ZSCAN25: variants seen among roughly 807,000 people sequenced by gnomAD.
The protein encoded by ZSCAN25 is zinc finger and SCAN domain containing 25.
ZSCAN25 carries 27 observed loss-of-function variants against 38.7 expected under a neutral mutation model. The observed-to-expected ratio is 0.70, with a 90% CI of 0.51 to 0.96. The LOEUF is 0.96. Among genes scored for constraint, ZSCAN25 ranks in the 40% least tolerant of loss-of-function variants. ZSCAN25 has a pLI of 0.00. For synonymous variants in ZSCAN25, 273 were observed against 277.7 expected (o/e 0.98, Z 0.17); for missense variants, 637 against 705.9 (o/e 0.90, Z 1.11).
the ZSCAN25 span, chr7:99,709,090 C>T: frequency 1.5e-5 from 24 of 1,613,824 alleles, no homozygotes; most frequent in African/African-American, 2.7e-5. Context: ...TGATGAAGAA[C>T]ATAGCTTGGA....
chr7:99,717,856 A>G, the ZSCAN25 span, among the ~76,000 whole-genome samples: 12 of 152,206 alleles, frequency 7.9e-5, no homozygotes, highest in Non-Finnish European at 1.6e-4. Flanking sequence ...TTTTACATGC[A>G]AATTCTCCAC....
At chr7:99,626,865 T>C (rs1384574094) in intron 7 of ZSCAN25, among the ~76,000 whole-genome samples, 1 of 152,208 alleles carries the variant, frequency 6.6e-6, no homozygotes, top group Non-Finnish European at 1.5e-5. Flanking sequence ...TTTCCCATGA[T>C]CACACAGCAA....
the ZSCAN25 span, among the ~76,000 whole-genome samples, chr7:99,691,466 T>G: frequency 1.3e-5 from 2 of 152,142 alleles, no homozygotes; most frequent in African/African-American, 2.4e-5. Flanking sequence ...ACCTTCTGTC[T>G]CATTGATCTG....
the ZSCAN25 span, chr7:99,714,540 A>G: frequency 1.2e-5 from 19 of 1,611,876 alleles, no homozygotes; most frequent in East Asian, 4.2e-4. Context: ...TCCTATAACT[A>G]CCACCACGTT....
chr7:99,708,210 T>C, the ZSCAN25 span, among the ~76,000 whole-genome samples: 2 of 152,164 alleles, frequency 1.3e-5, no homozygotes, highest in African/African-American at 4.8e-5. Context: ...AGATAAATAC[T>C]GTTGCAAAGT....
the ZSCAN25 span, chr7:99,663,767 A>T: frequency 8.1e-7 from 1 of 1,241,676 alleles, no homozygotes; most frequent in Non-Finnish European, 1.0e-6. Flanking sequence ...GCCTGATTTC[A>T]AGTTTTAAAT....
At chr7:99,689,102 A>C in the ZSCAN25 span, among the ~76,000 whole-genome samples, 1 of 152,236 alleles carries the variant, frequency 6.6e-6, no homozygotes, top group Non-Finnish European at 1.5e-5. Context: ...ATCACAATTA[A>C]AAGAACTAGA....
At chr7:99,736,875 C>T in the ZSCAN25 span, among the ~76,000 whole-genome samples, 3 of 152,022 alleles carry the variant, frequency 2.0e-5, no homozygotes, top group East Asian at 1.9e-4. Context: ...AGGTATGTGC[C>T]GGGAGCCACA....
the ZSCAN25 span, among the ~76,000 whole-genome samples, chr7:99,684,168 A>G: frequency 7.2e-6 from 1 of 139,802 alleles, no homozygotes; most frequent in African/African-American, 3.2e-5. Context: ...AAAAAGGCAT[A>G]ATTTTTTTTT....
the ZSCAN25 span, among the ~76,000 whole-genome samples, chr7:99,674,897 T>G: frequency 6.6e-6 from 1 of 152,244 alleles, no homozygotes; most frequent in Admixed American, 6.5e-5. Context: ...TAAAGTCTCC[T>G]AACCCCGTGA....
chr7:99,733,369 G>A, the ZSCAN25 span, among the ~76,000 whole-genome samples: 1 of 152,148 alleles, frequency 6.6e-6, no homozygotes, highest in Non-Finnish European at 1.5e-5. Flanking sequence ...TTGGCAAACT[G>A]TTTAGTTTCT....
chr7:99,646,135 AT>A, the ZSCAN25 span, among the ~76,000 whole-genome samples: 2 of 152,192 alleles, frequency 1.3e-5, no homozygotes, highest in African/African-American at 4.8e-5. Context: ...GATTAAAAAA[AT>A]ATTTCTGTGA....
At chr7:99,639,299 A>G in the ZSCAN25 span, among the ~76,000 whole-genome samples, 2 of 152,218 alleles carry the variant, frequency 1.3e-5, no homozygotes, top group Non-Finnish European at 2.9e-5. Context: ...TGTTTCCTGC[A>G]GAGTTTAAAG....
At chr7:99,721,179 C>A in the ZSCAN25 span, among the ~76,000 whole-genome samples, 1 of 152,186 alleles carries the variant, frequency 6.6e-6, no homozygotes, top group Non-Finnish European at 1.5e-5. Flanking sequence ...TAAGAATATT[C>A]AGCATCTCTT....
the ZSCAN25 span, among the ~76,000 whole-genome samples, chr7:99,670,109 T>G: frequency 1.3e-5 from 2 of 152,210 alleles, no homozygotes; most frequent in Admixed American, 6.5e-5. Flanking sequence ...AGTCATTCAC[T>G]TTTTAGAAGT....
chr7:99,701,254 C>A, the ZSCAN25 span, among the ~76,000 whole-genome samples: 2 of 152,160 alleles, frequency 1.3e-5, no homozygotes, highest in Non-Finnish European at 2.9e-5. Context: ...ACCTGCAGTT[C>A]CAGCCACGTT....
At chr7:99,679,142 G>A in the ZSCAN25 span, among the ~76,000 whole-genome samples, 2 of 152,262 alleles carry the variant, frequency 1.3e-5, no homozygotes, top group East Asian at 1.9e-4. Context: ...ACTTCCTCCA[G>A]GTCTCCTTTG....
At chr7:99,663,270 A>T in the ZSCAN25 span, 9 of 1,009,536 alleles carry the variant, frequency 8.9e-6, no homozygotes, top group Non-Finnish European at 1.1e-5. Context: ...CGTATAGATT[A>T]ATCTCCTGAC....
the ZSCAN25 span, among the ~76,000 whole-genome samples, chr7:99,656,932 C>CTTTA: frequency 1.3e-5 from 2 of 152,106 alleles, no homozygotes; most frequent in Non-Finnish European, 2.9e-5. Flanking sequence ...GTGATATCCC[C>CTTTA]TTTATCATTT....
Sources: allele counts gnomAD v4.1 joint callset (sites outside exome capture counted in the v4.1 genomes callset), GRCh38; gene constraint gnomAD v4.1.1; transcripts MANE v1.5; gene names NCBI Gene and HGNC (gene_info 2026-07-23, HGNC 2026-07-21).